Variants in PTP4A1 observed in about 807,000 individuals in gnomAD.
PTP4A1 encodes protein tyrosine phosphatase 4A1.
In PTP4A1, 9 loss-of-function variants were observed where a neutral mutation model predicts 20.5. The ratio of observed to expected loss-of-function variants is 0.44; its 90% confidence interval spans 0.26 to 0.77. PTP4A1 has a LOEUF of 0.77. Among genes scored for constraint, PTP4A1 ranks in the 30% least tolerant of loss-of-function variants. The pLI is 0.19. For missense variants in PTP4A1, 137 were observed against 218.8 expected (o/e 0.63, Z 2.36); for synonymous variants, 78 against 67.4 (o/e 1.16, Z -0.77).
intron 2 of PTP4A1, among the ~76,000 whole-genome samples, chr6:63,531,369 T>C (rs1308123011): frequency 6.7e-6 from 1 of 148,952 alleles, no homozygotes; most frequent in African/African-American, 2.5e-5. Flanking sequence ...CAATAAAAAA[T>C]TTATTCCAAA....
upstream of PTP4A1, among the ~76,000 whole-genome samples, chr6:63,518,131 G>A (rs1471236689): frequency 7.1e-6 from 1 of 139,994 alleles, no homozygotes; most frequent in Admixed American, 7.5e-5. Flanking sequence ...TCCAGCCTGG[G>A]CAACACAGTG....
intron 1 of PTP4A1, among the ~76,000 whole-genome samples, chr6:63,524,152 T>C (rs751237381): frequency 6.6e-6 from 1 of 152,116 alleles, no homozygotes; most frequent in Non-Finnish European, 1.5e-5. Context: ...ACCCAGTTAA[T>C]TTTTGTGTTT....
Position 63,580,585 on chromosome 6 carries a change from CTA to C in PTP4A1, c.*413_*414del, listed in dbSNP as rs1778165861. On this transcript the variant is annotated 3_prime_UTR_variant, in exon 6 of 6. Coordinates refer to ENST00000626021, the MANE Select transcript of PTP4A1 (RefSeq NM_003463.5). ...CCATACAGAAGTAAAATCCCAGGAA[CTA>C]TGAACACTAGACCTTATGTGGTTTA... 6.3e-6 allele frequency: 1 copy of C among 159,482 alleles called. No homozygotes were observed. Among genetic ancestry groups the C allele is most frequent in the Admixed American group, 6.0e-5 (1 of 16,536 alleles). 9.9% of individuals were successfully genotyped at this position (159,482 alleles called of 1,614,324 possible). A position where few individuals can be genotyped will look rare whatever the true frequency, so the allele number is the denominator to read the frequency against.
At chr6:63,552,286 A>G (rs1441580631) in intron 3 of PTP4A1, among the ~76,000 whole-genome samples, 1 of 152,206 alleles carries the variant, frequency 6.6e-6, no homozygotes, top group Non-Finnish European at 1.5e-5. Context: ...ATGGCCAGTG[A>G]TGGTGAGCAT....
At chr6:63,526,821 ATATATATATATATATT>A (rs1427827160) in intron 1 of PTP4A1, among the ~76,000 whole-genome samples, 4 of 143,208 alleles carry the variant, frequency 2.8e-5, no homozygotes, top group African/African-American at 1.0e-4. Flanking sequence ...ATATATATAT[ATATATATATATATATT>A]TATTTATTTA....
chr6:63,525,414 T>G (rs1407258045), intron 1 of PTP4A1, among the ~76,000 whole-genome samples: 2 of 152,216 alleles, frequency 1.3e-5, no homozygotes, highest in Non-Finnish European at 2.9e-5. Flanking sequence ...CCTTCCCGTT[T>G]GCTTGCTATT....
intron 2 of PTP4A1, among the ~76,000 whole-genome samples, chr6:63,543,342 C>A (rs1776059540): frequency 6.6e-6 from 1 of 152,216 alleles, no homozygotes. Context: ...TCAATTATAT[C>A]ATCCTGCAGG....
At chr6:63,519,053 G>A (rs1233183547), upstream of PTP4A1, among the ~76,000 whole-genome samples, 5 of 152,160 alleles carry the variant, frequency 3.3e-5, no homozygotes, top group Admixed American at 1.3e-4. Flanking sequence ...AGTGGCTCAC[G>A]CCTGTAATCC....
chr6:63,548,745 T>A lies in PTP4A1; in HGVS notation c.-639-1555T>A, dbSNP rs961528095. 2 of 685,568 alleles carry A rather than the reference T, an allele frequency of 2.9e-6. 1 individual carries two copies. Among genetic ancestry groups the A allele is most frequent in the Non-Finnish European group, 5.3e-6 (2 of 380,862 alleles). 42.5% of individuals were successfully genotyped at this position (685,568 alleles called of 1,614,324 possible). On this transcript the variant is annotated intron_variant, in intron 2 of 3. Transcript: ENST00000639568. The stretch of plus-strand genomic sequence containing the variant: ...AGTTGCAAGTTCTTGAGCCTTTGCC[T>A]TTTCGAGCTTGCCAATGCAAGCCAC...
At chr6:63,521,645 GT>G (rs1048254547), upstream of PTP4A1, 3 of 152,180 alleles carry the variant, frequency 2.0e-5, no homozygotes, top group Admixed American at 2.0e-4. Flanking sequence ...CCCTTGAACT[GT>G]ATAAATTGCA....
intron 2 of PTP4A1, among the ~76,000 whole-genome samples, chr6:63,577,207 A>G (rs897081454): frequency 6.6e-6 from 1 of 152,226 alleles, no homozygotes; most frequent in Non-Finnish European, 1.5e-5. Context: ...GTTTGCTTGA[A>G]TTGGTATGTG....
intron 2 of PTP4A1, among the ~76,000 whole-genome samples, chr6:63,540,944 A>G (rs547384982): frequency 6.6e-5 from 10 of 151,744 alleles, no homozygotes; most frequent in African/African-American, 2.4e-4. Context: ...CGGAGGTTGC[A>G]GTGAGCCAAG....
At chr6:63,521,144 A>G (rs1265864250), upstream of PTP4A1, among the ~76,000 whole-genome samples, 8 of 152,166 alleles carry the variant, frequency 5.3e-5, no homozygotes, top group Non-Finnish European at 1.2e-4. Context: ...AGGGGTTGAT[A>G]GGTGCAACAA....
At chr6:63,527,795 C>A (rs1775252913) in intron 1 of PTP4A1, 1 of 152,204 alleles carries the variant, frequency 6.6e-6, no homozygotes, top group Non-Finnish European at 1.5e-5. Flanking sequence ...GCTCACCTGA[C>A]AGATTGCTCT....
intron 3 of PTP4A1, among the ~76,000 whole-genome samples, chr6:63,552,616 A>G (rs1268520367): frequency 2.6e-5 from 4 of 152,198 alleles, no homozygotes; most frequent in Non-Finnish European, 4.4e-5. Flanking sequence ...GCCCATGCCT[A>G]TGTCCTGAAT....
At chr6:63,531,789 C>A (rs955670242) in intron 2 of PTP4A1, among the ~76,000 whole-genome samples, 1 of 151,990 alleles carries the variant, frequency 6.6e-6, no homozygotes, top group African/African-American at 2.4e-5. Context: ...CCATGTCCAG[C>A]CTCCCATAAC....
At chr6:63,525,642 T>C (rs1475106001) in intron 1 of PTP4A1, among the ~76,000 whole-genome samples, 1 of 152,224 alleles carries the variant, frequency 6.6e-6, no homozygotes, top group African/African-American at 2.4e-5. Context: ...CTCAGAGGTC[T>C]GGATTCCAGC....
intron 2 of PTP4A1, among the ~76,000 whole-genome samples, chr6:63,544,363 G>A (rs1245328927): frequency 1.3e-5 from 2 of 152,036 alleles, no homozygotes; most frequent in Non-Finnish European, 2.9e-5. Flanking sequence ...CTGTTTGCAA[G>A]GAAGTTGCAG....
At chr6:63,542,294 A>T (rs1442648571) in intron 2 of PTP4A1, among the ~76,000 whole-genome samples, 1 of 152,046 alleles carries the variant, frequency 6.6e-6, no homozygotes, top group Non-Finnish European at 1.5e-5. Flanking sequence ...GAAGAGGGTG[A>T]GGGATGAAAG....
Sources: allele counts gnomAD v4.1 joint callset (sites outside exome capture counted in the v4.1 genomes callset), GRCh38; gene constraint gnomAD v4.1.1; transcripts MANE v1.5; gene names NCBI Gene and HGNC (gene_info 2026-07-23, HGNC 2026-07-21).